UQCR11: variants seen among roughly 807,000 people sequenced by gnomAD.
UQCR11 encodes the protein ubiquinol-cytochrome c reductase, complex III subunit XI.
UQCR11 carries 10 observed loss-of-function variants against 7.6 expected under a neutral mutation model. The ratio of observed to expected loss-of-function variants is 1.31; its 90% confidence interval spans 0.81 to 2.22. UQCR11 has a LOEUF of 2.22. Ranked by LOEUF, UQCR11 falls within the 30% of genes most tolerant of loss-of-function variation. UQCR11 has a pLI of 0.00. For synonymous variants in UQCR11, 34 were observed against 34.9 expected (o/e 0.97, Z 0.09); for missense variants, 86 against 75.1 (o/e 1.15, Z -0.54).
rs1045599279 is a variant in UQCR11, at chr19:1,605,283, G to A, written c.50+77C>T. 1.8e-5 allele frequency: 26 copies of A among 1,456,076 alleles called. No homozygotes were observed. In the Admixed American group the frequency reaches 7.2e-4, roughly 41 times the overall value. 90.2% of individuals were successfully genotyped at this position (1,456,076 alleles called of 1,614,324 possible). ...GGCCCGGCCCGGCCCCCGGAAACGC[G>A]CACAAATACGGAACGCAGCGGCGCG... On this transcript the variant is annotated intron_variant, in intron 1 of 2. Coordinates refer to ENST00000591899, the MANE Select transcript of UQCR11 (RefSeq NM_006830.4).
rs542865821 is a variant in UQCR11, at chr19:1,597,634, G to A, written c.*610C>T. ...GGGGCCCCCATGGGAAGGAACTGTG[G>A]CTGTCACCGACAGCCACGTGAGGGC... On this transcript the variant is annotated 3_prime_UTR_variant, in exon 3 of 3. Coordinates refer to ENST00000591899, the MANE Select transcript of UQCR11 (RefSeq NM_006830.4). 2 of 152,300 alleles carry A rather than the reference G, an allele frequency of 1.3e-5. No homozygotes were observed. The highest frequency in any genetic ancestry group is 4.1e-4 in the South Asian group (2 of 4,824). The allele number at this position is 152,300 out of a possible 1,614,324, so 9.4% of individuals were successfully genotyped here.
chr19:1,600,730 C>T (rs551655002), intron 1 of UQCR11, among the ~76,000 whole-genome samples: 34 of 152,082 alleles, frequency 2.2e-4, no homozygotes, highest in Non-Finnish European at 4.1e-4. Flanking sequence ...AAAAATTAGC[C>T]GGGTGTGGTG....
At chr19:1,605,085 G>A (rs2060758058) in intron 1 of UQCR11, among the ~76,000 whole-genome samples, 1 of 152,274 alleles carries the variant, frequency 6.6e-6, no homozygotes, top group Non-Finnish European at 1.5e-5. Context: ...TCACCATTCG[G>A]ATCCCCCGGT....
chr19:1,604,031 CA>C (rs1242673585), intron 1 of UQCR11, among the ~76,000 whole-genome samples: 3 of 152,238 alleles, frequency 2.0e-5, no homozygotes, highest in Admixed American at 2.0e-4. Flanking sequence ...CCACAACCTC[CA>C]CCTCCCGGGT....
chr19:1,599,949 G>C (rs1445114249), intron 1 of UQCR11, among the ~76,000 whole-genome samples: 6 of 152,260 alleles, frequency 3.9e-5, no homozygotes, highest in Admixed American at 3.3e-4. Context: ...CCTGTTCCCA[G>C]GCGAGGACAC....
At chr19:1,599,704 G>C in intron 1 of UQCR11, 144 bp from the exon 2 acceptor site, 2 of 1,324,072 alleles carry the variant, frequency 1.5e-6, no homozygotes, top group Non-Finnish European at 2.0e-6. Context: ...TGAGCCCTGA[G>C]GGCTGGCACC....
In UQCR11 at chr19:1,605,419, G is replaced by A. The variant is rs1205596306; in HGVS notation, c.-10C>T. The A allele has an allele frequency of 1.7e-5, 27 of 1,558,158 alleles. No homozygotes were observed. The highest frequency in any genetic ancestry group is 2.6e-5 in the East Asian group (1 of 38,712). ...GGAACCGGGTCACCATCGCGGCGGA[G>A]TCGCACCCTCAGGATGACCCTGTCC... is the stretch of plus-strand genomic sequence containing the variant. On this transcript the variant is annotated 5_prime_UTR_variant, in exon 1 of 3. Transcript: ENST00000591899.
At chr19:1,605,315 G>C in intron 1 of UQCR11, 45 bp downstream of exon 1, 1 of 1,541,624 alleles carries the variant, frequency 6.5e-7, no homozygotes, top group East Asian at 2.6e-5. Context: ...CGCGGGGCTG[G>C]GCCGAGGCGG....
chr19:1,599,875 T>G (rs1184150299), intron 1 of UQCR11, among the ~76,000 whole-genome samples: 2 of 152,258 alleles, frequency 1.3e-5, no homozygotes, highest in Non-Finnish European at 2.9e-5. Context: ...TCTGCTGCAG[T>G]CTGCAGAAAT....
At position 1,605,344 on chromosome 19, in the gene UQCR11, G is replaced by A. The variant is rs2060758957; in HGVS notation, c.50+16C>T. On this transcript the variant is annotated intron_variant, in intron 1 of 2. Coordinates refer to ENST00000591899, the MANE Select transcript of UQCR11 (RefSeq NM_006830.4). ...GAGGCGGGAGCGCGGATGGGGCCGC[G>A]GGTCGGCGTCCTCACCAGTTCTTGA... 1.9e-6 allele frequency: 3 copies of A among 1,566,154 alleles called. No individual in the cohort carries two copies. The highest frequency in any genetic ancestry group is 2.6e-6 in the Non-Finnish European group (3 of 1,160,700).
intron 1 of UQCR11, among the ~76,000 whole-genome samples, chr19:1,600,111 AG>A: frequency 2.6e-5 from 4 of 152,024 alleles, no homozygotes; most frequent in Non-Finnish European, 5.9e-5. Flanking sequence ...AGGAAGGCCC[AG>A]CAGATTCTAG....
At chr19:1,605,088 C>T (rs1012819826) in intron 1 of UQCR11, among the ~76,000 whole-genome samples, 1 of 152,252 alleles carries the variant, frequency 6.6e-6, no homozygotes, top group African/African-American at 2.4e-5. Context: ...CCATTCGGAT[C>T]CCCCGGTAGA....
chr19:1,603,606 C>T (rs2060753333), intron 1 of UQCR11, among the ~76,000 whole-genome samples: 1 of 152,074 alleles, frequency 6.6e-6, no homozygotes, highest in Non-Finnish European at 1.5e-5. Flanking sequence ...GACTCCGTCT[C>T]TAAATAAATA....
At chr19:1,605,011 G>A (rs902952699) in intron 1 of UQCR11, among the ~76,000 whole-genome samples, 2 of 152,286 alleles carry the variant, frequency 1.3e-5, no homozygotes, top group African/African-American at 4.8e-5. Context: ...AAAGGCCGAA[G>A]ATGCCGCGAG....
At position 1,605,094 on chromosome 19, in the gene UQCR11, G is replaced by C. The variant is rs554443133; in HGVS notation, c.50+266C>G. On this transcript the variant is annotated intron_variant, in intron 1 of 2. Coordinates refer to ENST00000591899, the MANE Select transcript of UQCR11 (RefSeq NM_006830.4). The stretch of plus-strand genomic sequence containing the variant: ...AGGGGGTCACCATTCGGATCCCCCG[G>C]TAGAGATGGGGAAACTGAGGCTTGG... Among the ~76,000 whole-genome samples, 16 of 152,374 alleles carry C rather than the reference G, an allele frequency of 1.1e-4. No individual in the cohort carries two copies. The East Asian group carries it at 3.1e-3, about 29-fold the overall frequency.
intron 1 of UQCR11, among the ~76,000 whole-genome samples, chr19:1,603,285 C>T (rs372509964): frequency 5.9e-5 from 9 of 152,284 alleles, no homozygotes; most frequent in East Asian, 1.9e-4. Context: ...TCTATTGGCG[C>T]GTCCCTAACA....
At position 1,597,874 on chromosome 19, in the gene UQCR11, C is replaced by CA. The variant is rs2060736144; in HGVS notation, c.*369dup. ...ACTTGTTAAGGCAGCAACGGATGAA[C>CA]ACACTGCAGATACTACTTATGAGCC... On this transcript the variant is annotated 3_prime_UTR_variant, in exon 3 of 3. Coordinates refer to ENST00000591899, the MANE Select transcript of UQCR11 (RefSeq NM_006830.4). The CA allele has an allele frequency of 6.6e-6, 1 of 152,336 alleles. No homozygotes were observed. Among genetic ancestry groups the CA allele is most frequent in the Admixed American group, 6.5e-5 (1 of 15,290 alleles). The allele number at this position is 152,336 out of a possible 1,614,324, so 9.4% of individuals were successfully genotyped here.
Position 1,605,433 on chromosome 19 carries a change from A to G in UQCR11, c.-24T>C. 1 of 1,332,514 alleles carries G rather than the reference A, an allele frequency of 7.5e-7. No individual in the cohort carries two copies. The highest frequency in any genetic ancestry group is 9.8e-7 in the Non-Finnish European group (1 of 1,022,210). The allele number at this position is 1,332,514 out of a possible 1,614,324, so 82.5% of individuals were successfully genotyped here. A position where few individuals can be genotyped will look rare whatever the true frequency, so the allele number is the denominator to read the frequency against. Reference sequence around the variant, plus strand: ...ATCGCGGCGGAGTCGCACCCTCAGGATGACCCTGTCCAGCTGACCCGGCTA... The same window carrying G: ...ATCGCGGCGGAGTCGCACCCTCAGGGTGACCCTGTCCAGCTGACCCGGCTA... On this transcript the variant is annotated 5_prime_UTR_variant, in exon 1 of 3. Transcript: ENST00000591899.
Position 1,605,424 on chromosome 19 carries a change from AC to A in UQCR11, c.-16del, listed in dbSNP as rs2060759336. 2.2e-6 allele frequency: 3 copies of A among 1,340,198 alleles called. No homozygotes were observed. The highest frequency in any genetic ancestry group is 2.9e-6 in the Non-Finnish European group (3 of 1,025,938). The allele number at this position is 1,340,198 out of a possible 1,614,324, so 83.0% of individuals were successfully genotyped here. On this transcript the variant is annotated 5_prime_UTR_variant, in exon 1 of 3. Transcript: ENST00000591899. ...CGGGTCACCATCGCGGCGGAGTCGC[AC>A]CCTCAGGATGACCCTGTCCAGCTGA...
Sources: allele counts gnomAD v4.1 joint callset (sites outside exome capture counted in the v4.1 genomes callset), GRCh38; gene constraint gnomAD v4.1.1; transcripts MANE v1.5; gene names NCBI Gene and HGNC (gene_info 2026-07-23, HGNC 2026-07-21).